The following MYO10 variants were observed in gnomAD, a reference collection of about 807,000 sequenced individuals.
MYO10 encodes unconventional myosin-X.
A neutral mutation model predicts 257.3 loss-of-function variants in MYO10; 133 were observed. The observed-to-expected ratio is 0.52, with a 90% CI of 0.45 to 0.60. The LOEUF is 0.60. MYO10 is among the 20% of genes least tolerant of loss of function. The pLI is 0.00. For missense variants in MYO10, 2,399 were observed against 2,635.7 expected, an observed-to-expected ratio of 0.91 and a Z score of 1.97; for synonymous variants, 1,104 against 1,028.6, an observed-to-expected ratio of 1.07 and a Z score of -1.40.
chr5:16,778,754 G>A (rs1342763356), intron 9 of MYO10, among the ~76,000 whole-genome samples: 4 of 142,548 alleles, frequency 2.8e-5, no homozygotes, highest in Admixed American at 2.2e-4. Context: ...GCAGTTGCGC[G>A]ATCTCGGCTC....
intron 1 of MYO10, among the ~76,000 whole-genome samples, chr5:16,907,469 G>C (rs909792764): frequency 2.6e-5 from 4 of 151,950 alleles, no homozygotes; most frequent in Non-Finnish European, 5.9e-5. Context: ...TGATCAACAG[G>C]TCACGGGAGA....
At chr5:16,690,541 C>G (rs1737452407) in intron 27 of MYO10, among the ~76,000 whole-genome samples, 1 of 152,150 alleles carries the variant, frequency 6.6e-6, no homozygotes, top group South Asian at 2.1e-4. Context: ...CTGGTCTGCC[C>G]AATGCCCACC....
intron 18 of MYO10, among the ~76,000 whole-genome samples, chr5:16,757,590 A>C (rs1441533025): frequency 6.6e-6 from 1 of 152,094 alleles, no homozygotes; most frequent in African/African-American, 2.4e-5. Flanking sequence ...GCTTAGAAGA[A>C]ATAGCCATTT....
intron 16 of MYO10, 65 bp downstream of exon 16, chr5:16,761,980 G>A: frequency 6.9e-7 from 1 of 1,445,966 alleles, no homozygotes; most frequent in Non-Finnish European, 9.2e-7. Context: ...ATTGGCTTCT[G>A]AAACCACTGT....
intron 17 of MYO10, among the ~76,000 whole-genome samples, chr5:16,760,420 C>G (rs1740673047): frequency 6.7e-6 from 1 of 149,250 alleles, no homozygotes; most frequent in South Asian, 2.1e-4. Flanking sequence ...GAGATTGCGC[C>G]ACTGCACTCC....
intron 2 of MYO10, among the ~76,000 whole-genome samples, chr5:16,876,639 C>A (rs1744612297): frequency 6.6e-6 from 1 of 152,176 alleles, no homozygotes; most frequent in South Asian, 2.1e-4. Flanking sequence ...ACTGCAACCT[C>A]CGCCTCGCAG....
intron 4 of MYO10, among the ~76,000 whole-genome samples, chr5:16,792,182 CAG>C (rs1282708949): frequency 2.8e-5 from 3 of 108,220 alleles, no homozygotes; most frequent in Admixed American, 2.6e-4. Flanking sequence ...CAGAGACAGA[CAG>C]AGACAGAGAC....
rs535117063 is a variant in MYO10 at position 16,909,599 on chromosome 5, A to G, written c.21+26189T>C. 2.9e-3 allele frequency among the ~76,000 whole-genome samples: 446 copies of G among 151,964 alleles called. 1 individual carries two copies. Among genetic ancestry groups the G allele is most frequent in the African/African-American group, 9.9e-3 (412 of 41,456 alleles). The stretch of plus-strand genomic sequence containing the variant: ...AGAAAAACCCTGCCCCCGTGATTCA[A>G]TTACCTTCCACTGGGTCCCTCCAAC... On this transcript the variant is annotated intron_variant, in intron 1 of 40. Transcript: ENST00000513610.
At chr5:16,682,631 C>T (rs774207459) in intron 30 of MYO10, among the ~76,000 whole-genome samples, 1 of 152,118 alleles carries the variant, frequency 6.6e-6, no homozygotes, top group Non-Finnish European at 1.5e-5. Context: ...TAAATACTAA[C>T]TCCTCTATCT....
Position 16,674,915 on chromosome 5 carries a change from G to A in MYO10, c.4902C>T (p.Cys1634=), listed in dbSNP as rs779531662. The change falls in exon 35 of 41, where the codon TGC becomes TGT. Residue 1634 remains cysteine, a synonymous_variant. Transcript: ENST00000513610. The stretch of plus-strand genomic sequence containing the variant: ...GACTCGGCAGGAAGGTGCAGCTCAG[G>A]CATGTCAGGATCTGCCAGCTGTACA... ...GNLYSWQILT[C]LSCTFLPSRG... is the part of the protein sequence containing the mutation. 6.2e-7 allele frequency: 1 copy of A among 1,614,016 alleles called. No homozygotes were observed. Among genetic ancestry groups the A allele is most frequent in the East Asian group, 2.2e-5 (1 of 44,884 alleles).
intron 1 of MYO10, among the ~76,000 whole-genome samples, chr5:16,896,846 C>T (rs1745232619): frequency 1.3e-5 from 2 of 152,114 alleles, no homozygotes; most frequent in Non-Finnish European, 2.9e-5. Context: ...GGTGCCTTCC[C>T]CACCTCTTGT....
At chr5:16,878,855 A>G (rs1744675773) in intron 1 of MYO10, among the ~76,000 whole-genome samples, 1 of 152,158 alleles carries the variant, frequency 6.6e-6, no homozygotes, top group Non-Finnish European at 1.5e-5. Context: ...GTGGCGAAGG[A>G]TAAAAGACTA....
chr5:16,689,766 A>T (rs910933126), intron 28 of MYO10, 58 bp downstream of exon 28: 1 of 1,385,390 alleles, frequency 7.2e-7, no homozygotes, highest in Non-Finnish European at 1.0e-6. Flanking sequence ...TGTGATGCTC[A>T]CACCTGTGCA....
chr5:16,762,862 G>C (rs910199381), intron 14 of MYO10, among the ~76,000 whole-genome samples: 9 of 152,066 alleles, frequency 5.9e-5, no homozygotes, highest in African/African-American at 2.2e-4. Flanking sequence ...TACTGGGGAG[G>C]CTGAGGCAGG....
intron 2 of MYO10, among the ~76,000 whole-genome samples, chr5:16,838,059 C>T (rs886434718): frequency 1.3e-5 from 2 of 152,160 alleles, no homozygotes; most frequent in Non-Finnish European, 2.9e-5. Flanking sequence ...CTCTCCCTCT[C>T]CTGGGGCCTT....
chr5:16,771,048 G>A (rs1741033770), intron 9 of MYO10, among the ~76,000 whole-genome samples: 1 of 152,150 alleles, frequency 6.6e-6, no homozygotes, highest in African/African-American at 2.4e-5. Flanking sequence ...GATTACAGGT[G>A]TGAACCACCA....
At chr5:16,741,680 C>A (rs1167681584) in intron 19 of MYO10, 2 of 639,286 alleles carry the variant, frequency 3.1e-6, no homozygotes, top group African/African-American at 4.0e-5. Context: ...CTTGTAAACA[C>A]TTCCGTGCCT....
intron 2 of MYO10, among the ~76,000 whole-genome samples, chr5:16,870,375 C>T (rs1023167226): frequency 6.6e-6 from 1 of 151,382 alleles, no homozygotes; most frequent in Non-Finnish European, 1.5e-5. Flanking sequence ...GGAACGTCTT[C>T]AAAATCCTTA....
intron 2 of MYO10, among the ~76,000 whole-genome samples, chr5:16,853,698 T>C (rs77620154): frequency 0.012 from 1,849 of 152,286 alleles, 34 homozygotes; most frequent in Middle Eastern, 0.034. Flanking sequence ...ATCCTATACT[T>C]AGGGGGCCTC....
Sources: allele counts gnomAD v4.1 joint callset (sites outside exome capture counted in the v4.1 genomes callset), GRCh38; gene constraint gnomAD v4.1.1; transcripts MANE v1.5; gene names NCBI Gene and HGNC (gene_info 2026-07-23, HGNC 2026-07-21).